Variants in ERG observed in about 807,000 individuals in gnomAD.
The protein encoded by ERG is ETS transcription factor ERG, also known as transcriptional regulator ERG.
ERG carries 9 observed loss-of-function variants against 55.3 expected under a neutral mutation model. That is an observed-to-expected ratio of 0.16 (90% CI 0.10 to 0.28). The LOEUF (loss-of-function observed/expected upper bound fraction) is 0.28. Ranked by LOEUF, ERG falls within the 10% of genes least tolerant of loss-of-function variation. The probability of loss-of-function intolerance (pLI) is 1.00; values close to 1 mark genes in which losing one functional copy is unlikely to be tolerated. For synonymous variants in ERG, 223 were observed against 237.3 expected (o/e 0.94, Z 0.55); for missense variants, 434 against 631.6 (o/e 0.69, Z 3.35).
chr21:38,523,528 A>T (rs978805460), intron 2 of ERG, among the ~76,000 whole-genome samples: 5 of 152,104 alleles, frequency 3.3e-5, no homozygotes, highest in Non-Finnish European at 7.4e-5. Context: ...TTGGACAAAA[A>T]TCTCTTTGGC....
At chr21:38,620,290 G>A (rs879669874) in intron 1 of ERG, among the ~76,000 whole-genome samples, 2 of 150,426 alleles carry the variant, frequency 1.3e-5, no homozygotes, top group Non-Finnish European at 2.9e-5. Flanking sequence ...ACAGAAAGGC[G>A]ATGACTTATT....
At chr21:38,558,382 T>TTATATTGTATATTGTATATTGTATA (rs1172286183) in intron 2 of ERG, among the ~76,000 whole-genome samples, 2 of 152,206 alleles carry the variant, frequency 1.3e-5, no homozygotes, top group East Asian at 3.8e-4. Context: ...TTGGTACAAA[T>TTATATTGTATATTGTATATTGTATA]TATATTGGTA....
chr21:38,440,866 C>G (rs1377874443), intron 2 of ERG, among the ~76,000 whole-genome samples: 1 of 151,558 alleles, frequency 6.6e-6, no homozygotes. Flanking sequence ...AGTCCTTTGT[C>G]TGCCCCAAGG....
chr21:38,470,257 CTATTAT>C (rs147294234), intron 1 of ERG, among the ~76,000 whole-genome samples: 2,922 of 150,748 alleles, frequency 0.019, 47 homozygotes, highest in East Asian at 0.078. Flanking sequence ...TGAGTGTTTT[CTATTAT>C]TATTATTATT....
chr21:38,418,923 G>A (rs1475794342), intron 3 of ERG, among the ~76,000 whole-genome samples: 15 of 44,322 alleles, frequency 3.4e-4, no homozygotes, highest in Non-Finnish European at 5.9e-4. Context: ...GCGAGACTTT[G>A]TCTCAAAAAA....
chr21:38,515,785 C>T (rs545390564), intron 2 of ERG, among the ~76,000 whole-genome samples: 2 of 152,024 alleles, frequency 1.3e-5, no homozygotes, highest in East Asian at 3.9e-4. Context: ...GATAATGCAC[C>T]ATGGTCAAGT....
downstream of ERG, among the ~76,000 whole-genome samples, chr21:38,378,700 T>C (rs957560247): frequency 6.6e-6 from 1 of 152,214 alleles, no homozygotes; most frequent in Admixed American, 6.5e-5. Flanking sequence ...GAATTGATGT[T>C]GCAGTCTAAT....
chr21:38,568,076 G>A (rs2059934095), intron 2 of ERG, among the ~76,000 whole-genome samples: 1 of 147,698 alleles, frequency 6.8e-6, no homozygotes, highest in African/African-American at 2.5e-5. Context: ...CTGACCCTGG[G>A]TCAATTTAAT....
At chr21:38,415,048 C>G (rs1754836046) in intron 3 of ERG, among the ~76,000 whole-genome samples, 1 of 152,214 alleles carries the variant, frequency 6.6e-6, no homozygotes. Flanking sequence ...AGAATGTCTA[C>G]AACAATTTAA....
chr21:38,623,942 A>T (rs906284773), intron 1 of ERG, among the ~76,000 whole-genome samples: 9 of 152,182 alleles, frequency 5.9e-5, no homozygotes, highest in African/African-American at 2.2e-4. Context: ...TTTTACAATA[A>T]TTTTTTTAAA....
chr21:38,551,817 C>T (rs908005616), intron 2 of ERG, among the ~76,000 whole-genome samples: 3 of 151,942 alleles, frequency 2.0e-5, no homozygotes, highest in Admixed American at 6.6e-5. Flanking sequence ...CATATTGTGT[C>T]GTTGTTGGGT....
chr21:38,438,098 C>A (rs373283794), intron 2 of ERG, among the ~76,000 whole-genome samples: 1 of 152,188 alleles, frequency 6.6e-6, no homozygotes, highest in Non-Finnish European at 1.5e-5. Context: ...GACCTCAGGG[C>A]CTTTGCATTT....
intron 9 of ERG, 125 bp from the exon 10 acceptor site, chr21:38,384,048 C>G: frequency 7.7e-7 from 1 of 1,292,758 alleles, no homozygotes; most frequent in Non-Finnish European, 1.0e-6. Context: ...CAGGCCTGTC[C>G]GTCCATCCCT....
At chr21:38,399,620 T>C (rs182454949) in intron 6 of ERG, among the ~76,000 whole-genome samples, 5 of 152,302 alleles carry the variant, frequency 3.3e-5, no homozygotes, top group Non-Finnish European at 7.4e-5. Flanking sequence ...GCTATACCCT[T>C]CTGGGAAATG....
intron 6 of ERG, among the ~76,000 whole-genome samples, chr21:38,397,772 C>T (rs370618412): frequency 2.6e-5 from 4 of 152,146 alleles, no homozygotes; most frequent in East Asian, 1.9e-4. Context: ...GGAGTCTCTG[C>T]AGAAAGGGTG....
upstream of ERG, among the ~76,000 whole-genome samples, chr21:38,588,445 G>A (rs2060080429): frequency 6.6e-6 from 1 of 152,172 alleles, no homozygotes; most frequent in Admixed American, 6.6e-5. Context: ...CAGATCATCA[G>A]GAAATCTGGA....
chr21:38,402,651 CA>C lies in ERG; in HGVS notation c.593-15del. ...GTGGAAGAGGAGCTACAAAACAAAA[CA>C]AAAAGCGACATCAAAATGAAAAAAA... On this transcript the variant is annotated splice_polypyrimidine_tract_variant and intron_variant, in intron 4 of 9. Transcript: ENST00000288319. 9.9e-7 allele frequency: 1 copy of C among 1,009,180 alleles called. No homozygotes were observed. Among genetic ancestry groups the C allele is most frequent in the Non-Finnish European group, 1.2e-6 (1 of 802,338 alleles). The allele number at this position is 1,009,180 out of a possible 1,614,324, so 62.5% of individuals were successfully genotyped here.
chr21:38,572,835 G>A (rs575424975), intron 2 of ERG, among the ~76,000 whole-genome samples: 14 of 144,944 alleles, frequency 9.7e-5, no homozygotes, highest in Admixed American at 2.0e-4. Flanking sequence ...TAACCAATAC[G>A]ATCAACCAAT....
chr21:38,573,747 G>GGT (rs1475663853), intron 2 of ERG, among the ~76,000 whole-genome samples: 1 of 152,150 alleles, frequency 6.6e-6, no homozygotes, highest in Non-Finnish European at 1.5e-5. Context: ...GCAGGTCCTT[G>GGT]GTATGCTGAG....
Sources: allele counts gnomAD v4.1 joint callset (sites outside exome capture counted in the v4.1 genomes callset), GRCh38; gene constraint gnomAD v4.1.1; transcripts MANE v1.5; gene names NCBI Gene and HGNC (gene_info 2026-07-23, HGNC 2026-07-21).